Variants in SLIT3 observed in about 807,000 individuals in gnomAD.
The protein encoded by SLIT3 is slit homolog 3 protein.
Under a neutral mutation model 184.0 loss-of-function variants are expected in SLIT3, and 68 were observed. That is an observed-to-expected ratio of 0.37 (90% CI 0.30 to 0.45). SLIT3 has a LOEUF of 0.45. Among genes scored for constraint, SLIT3 ranks in the 20% least tolerant of loss-of-function variants. SLIT3 has a pLI of 1.00. For synonymous variants in SLIT3, 831 were observed against 828.6 expected (o/e 1.00, Z -0.05); for missense variants, 1,707 against 2,026.0 (o/e 0.84, Z 3.02).
At chr5:168,969,206 A>G (rs1236187464) in intron 4 of SLIT3, among the ~76,000 whole-genome samples, 2 of 152,176 alleles carry the variant, frequency 1.3e-5, no homozygotes, top group Non-Finnish European at 2.9e-5. Flanking sequence ...ATCTTACCCC[A>G]CTGAGCCAAT....
At chr5:168,783,565 T>A (rs1483867017) in intron 12 of SLIT3, among the ~76,000 whole-genome samples, 2 of 152,138 alleles carry the variant, frequency 1.3e-5, no homozygotes, top group Non-Finnish European at 2.9e-5. Context: ...TACCCATAAT[T>A]TGAGAGATGG....
At chr5:169,146,928 C>G (rs756798902) in intron 4 of SLIT3, among the ~76,000 whole-genome samples, 1 of 152,232 alleles carries the variant, frequency 6.6e-6, no homozygotes, top group Non-Finnish European at 1.5e-5. Context: ...GTTTCCTCAT[C>G]TGTAGCATGG....
intron 4 of SLIT3, among the ~76,000 whole-genome samples, chr5:169,031,674 T>C (rs1757031189): frequency 6.6e-6 from 1 of 151,528 alleles, no homozygotes; most frequent in Non-Finnish European, 1.5e-5. Context: ...AAGAACAGAG[T>C]AGTAGGAGAT....
At chr5:168,786,080 C>T in intron 11 of SLIT3, 102 bp from the exon 12 acceptor site, 1 of 770,278 alleles carries the variant, frequency 1.3e-6, no homozygotes, top group South Asian at 1.6e-5. Context: ...GGTATGAGAT[C>T]TCAGGACAAC....
chr5:168,675,015 T>C (rs1761363999), intron 32 of SLIT3, among the ~76,000 whole-genome samples: 2 of 152,278 alleles, frequency 1.3e-5, no homozygotes, highest in South Asian at 2.1e-4. Context: ...ACCCAGCTAG[T>C]ACAGGCAAGA....
chr5:168,940,497 T>C (rs1040838169), intron 4 of SLIT3, among the ~76,000 whole-genome samples: 9 of 152,144 alleles, frequency 5.9e-5, no homozygotes, highest in Non-Finnish European at 8.8e-5. Context: ...AATTATAAAG[T>C]ATCTTTATCT....
At chr5:168,978,314 C>T (rs1754835714) in intron 4 of SLIT3, among the ~76,000 whole-genome samples, 2 of 152,200 alleles carry the variant, frequency 1.3e-5, no homozygotes, top group African/African-American at 4.8e-5. Flanking sequence ...TATGACTGCT[C>T]CCATTTTGTG....
At chr5:169,038,184 T>G (rs1039504592) in intron 4 of SLIT3, among the ~76,000 whole-genome samples, 2 of 152,214 alleles carry the variant, frequency 1.3e-5, no homozygotes, top group Non-Finnish European at 2.9e-5. Context: ...GTAAATTTCT[T>G]GTCATAGACC....
chr5:169,290,622 C>G (rs774036001), intron 1 of SLIT3, among the ~76,000 whole-genome samples: 121 of 138,026 alleles, frequency 8.8e-4, no homozygotes, highest in Admixed American at 6.0e-3. Context: ...TACTAGGGCA[C>G]GTGCGGGGCA....
intron 4 of SLIT3, among the ~76,000 whole-genome samples, chr5:168,996,546 TG>T: frequency 6.6e-6 from 1 of 152,358 alleles, no homozygotes; most frequent in African/African-American, 2.4e-5. Flanking sequence ...TCTGGGGCTT[TG>T]GATATAACGT....
intron 4 of SLIT3, among the ~76,000 whole-genome samples, chr5:169,107,489 T>C (rs1760255405): frequency 6.6e-6 from 1 of 152,244 alleles, no homozygotes; most frequent in African/African-American, 2.4e-5. Flanking sequence ...TTCTAAGCTT[T>C]GTGCTTTGAA....
chr5:168,846,078 T>C (rs1029512470), intron 5 of SLIT3, among the ~76,000 whole-genome samples: 19 of 152,252 alleles, frequency 1.2e-4, no homozygotes, highest in Non-Finnish European at 1.5e-5. Flanking sequence ...TTTGGATAAG[T>C]ATCCAGATGT....
intron 5 of SLIT3, among the ~76,000 whole-genome samples, chr5:168,852,932 C>T (rs1051186371): frequency 6.6e-6 from 1 of 152,178 alleles, no homozygotes; most frequent in African/African-American, 2.4e-5. Context: ...TGCTTTAAAA[C>T]AAGTAATATT....
intron 20 of SLIT3, among the ~76,000 whole-genome samples, chr5:168,736,159 A>G (rs1763429732): frequency 6.6e-6 from 1 of 152,112 alleles, no homozygotes; most frequent in African/African-American, 2.4e-5. Context: ...TAGCCACTGT[A>G]CCTTCAGCTG....
At chr5:168,985,841 G>A (rs1056413146) in intron 4 of SLIT3, among the ~76,000 whole-genome samples, 6 of 145,070 alleles carry the variant, frequency 4.1e-5, no homozygotes, top group Non-Finnish European at 7.9e-5. Context: ...GGATGATGGC[G>A]GGGGGTAGGA....
chr5:169,213,446 A>C (rs1009327769), intron 3 of SLIT3, among the ~76,000 whole-genome samples: 13 of 152,214 alleles, frequency 8.5e-5, no homozygotes, highest in Non-Finnish European at 1.3e-4. Flanking sequence ...CTTCATATAG[A>C]ACCAAAAAAG....
chr5:169,162,236 G>A (rs184354234), intron 4 of SLIT3, among the ~76,000 whole-genome samples: 2 of 152,302 alleles, frequency 1.3e-5, no homozygotes, highest in East Asian at 3.9e-4. Flanking sequence ...TGGGATCTTG[G>A]TAGATGTGCA....
At chr5:169,098,953 T>A (rs941521469) in intron 4 of SLIT3, among the ~76,000 whole-genome samples, 5 of 151,892 alleles carry the variant, frequency 3.3e-5, no homozygotes, top group Non-Finnish European at 5.9e-5. Flanking sequence ...AACACTGAGA[T>A]CCCAGGTCAG....
chr5:169,054,598 C>A (rs1221030624), intron 4 of SLIT3, among the ~76,000 whole-genome samples: 1 of 152,112 alleles, frequency 6.6e-6, no homozygotes, highest in East Asian at 1.9e-4. Context: ...AAGTCCCTCC[C>A]CTTCTTACGA....
Sources: gnomAD v4.1 joint callset for allele counts (sites outside exome capture counted in the v4.1 genomes callset) on GRCh38, gnomAD v4.1.1 for gene constraint, MANE v1.5 for transcripts, NCBI Gene and HGNC (gene_info 2026-07-23, HGNC 2026-07-21) for gene names.